Variants in ARL13B observed in about 807,000 individuals in gnomAD.
ARL13B encodes ADP-ribosylation factor-like protein 13B.
ARL13B carries 36 observed loss-of-function variants against 56.1 expected under a neutral mutation model. The observed-to-expected ratio is 0.64, with a 90% CI of 0.49 to 0.85. ARL13B has a LOEUF of 0.85. ARL13B is among the 40% of genes least tolerant of loss of function. ARL13B has a pLI of 0.00. For missense variants in ARL13B, 519 were observed against 507.1 expected (o/e 1.02, Z -0.23); for synonymous variants, 178 against 171.1 (o/e 1.04, Z -0.32).
chr3:93,994,598 TAAAC>T (rs2075934119), intron 1 of ARL13B, among the ~76,000 whole-genome samples: 1 of 152,216 alleles, frequency 6.6e-6, no homozygotes, highest in Non-Finnish European at 1.5e-5. Flanking sequence ...GTTGCTGTAA[TAAAC>T]AAGTGTGTCT....
chr3:93,991,240 G>C (rs2075870384), intron 1 of ARL13B, among the ~76,000 whole-genome samples: 1 of 152,076 alleles, frequency 6.6e-6, no homozygotes, highest in Admixed American at 6.5e-5. Flanking sequence ...AATTTGAAGG[G>C]CTAATGTATT....
At chr3:93,981,565 A>G (rs1445600447) in intron 1 of ARL13B, among the ~76,000 whole-genome samples, 2 of 152,180 alleles carry the variant, frequency 1.3e-5, no homozygotes, top group Non-Finnish European at 2.9e-5. Context: ...TGTTTTAAAT[A>G]TAAGTAGTAA....
At chr3:94,051,398 TC>T (rs889400279) in intron 9 of ARL13B, among the ~76,000 whole-genome samples, 16 of 152,200 alleles carry the variant, frequency 1.1e-4, no homozygotes, top group Admixed American at 9.8e-4. Flanking sequence ...CTAATAAAGT[TC>T]GACTAAGTAG....
At chr3:94,001,521 A>T (rs1337731985) in intron 2 of ARL13B, among the ~76,000 whole-genome samples, 1 of 152,206 alleles carries the variant, frequency 6.6e-6, no homozygotes, top group Non-Finnish European at 1.5e-5. Context: ...TTTCTAGACC[A>T]TAACTTGCCC....
At chr3:94,014,979 C>A in intron 3 of ARL13B, 1 of 1,613,996 alleles carries the variant, frequency 6.2e-7, no homozygotes, top group Non-Finnish European at 8.5e-7. Context: ...GAATTTTTAT[C>A]TCCTTTGTAA....
intron 3 of ARL13B, among the ~76,000 whole-genome samples, chr3:94,021,632 T>C (rs1384920781): frequency 6.6e-6 from 1 of 152,220 alleles, no homozygotes; most frequent in Non-Finnish European, 1.5e-5. Context: ...TTTTATTATA[T>C]ACATCTGATA....
At chr3:94,001,573 T>C (rs2076056024) in intron 2 of ARL13B, among the ~76,000 whole-genome samples, 1 of 152,160 alleles carries the variant, frequency 6.6e-6, no homozygotes, top group Non-Finnish European at 1.5e-5. Flanking sequence ...CTACACACTA[T>C]CGTCTCTAGC....
chr3:94,017,008 GT>G (rs984844811), intron 3 of ARL13B, among the ~76,000 whole-genome samples: 1 of 152,172 alleles, frequency 6.6e-6, no homozygotes, highest in Admixed American at 6.5e-5. Flanking sequence ...ATAGTCTGAT[GT>G]ATGGATAGAC....
chr3:94,014,372 TAAAA>T lies in ARL13B; in HGVS notation c.380+10465_380+10468del, dbSNP rs771133115. The T allele has an allele frequency of 5.9e-6, 9 of 1,513,056 alleles. No homozygotes were observed. In the East Asian group the frequency reaches 2.1e-4, roughly 35 times the overall value. The allele number at this position is 1,513,056 out of a possible 1,614,324, so 93.7% of individuals were successfully genotyped here. ...TTTACCGTAAAGCTGGAAAAAGTTTTAAAATAGCTTCTTTATTTTGAGCTACAGC... is the reference window on the plus strand; with the variant it reads ...TTTACCGTAAAGCTGGAAAAAGTTTTTAGCTTCTTTATTTTGAGCTACAGC... On this transcript the variant is annotated intron_variant, in intron 3 of 9. Coordinates refer to ENST00000394222, the MANE Select transcript of ARL13B (RefSeq NM_001174150.2).
At chr3:94,046,794 A>G (rs1404719443) in intron 7 of ARL13B, among the ~76,000 whole-genome samples, 1 of 152,156 alleles carries the variant, frequency 6.6e-6, no homozygotes, top group Non-Finnish European at 1.5e-5. Flanking sequence ...CAACATTTTT[A>G]AAATGTCTTG....
chr3:94,053,181 T>A lies in ARL13B; in HGVS notation c.1211-6T>A. 1 of 1,610,092 alleles carries A rather than the reference T, an allele frequency of 6.2e-7. No homozygotes were observed. Among genetic ancestry groups the A allele is most frequent in the Non-Finnish European group, 8.5e-7 (1 of 1,179,214 alleles). On this transcript the variant is annotated splice_polypyrimidine_tract_variant and splice_region_variant and intron_variant, in intron 9 of 9. Coordinates refer to ENST00000394222, the MANE Select transcript of ARL13B (RefSeq NM_001174150.2). ...TTTGTGCATTTGGTTTTCTTTCTTT[T>A]CTTAGATTTCTATAGGAAGCCACTG...
At chr3:94,037,591 G>C (rs954138451) in intron 5 of ARL13B, among the ~76,000 whole-genome samples, 3 of 152,120 alleles carry the variant, frequency 2.0e-5, no homozygotes, top group Non-Finnish European at 4.4e-5. Flanking sequence ...TTTGGCAGCT[G>C]TTGATACAAG....
chr3:94,020,953 G>C (rs972950546), intron 3 of ARL13B, among the ~76,000 whole-genome samples: 27 of 151,924 alleles, frequency 1.8e-4, no homozygotes, highest in African/African-American at 6.5e-4. Context: ...TATTTTTATT[G>C]TCTATATTCT....
At chr3:94,016,953 C>T (rs2076346561) in intron 3 of ARL13B, among the ~76,000 whole-genome samples, 1 of 152,076 alleles carries the variant, frequency 6.6e-6, no homozygotes, top group Non-Finnish European at 1.5e-5. Flanking sequence ...CCTAATTAAG[C>T]TTTCTGTCAG....
At chr3:94,039,753 G>GT in intron 5 of ARL13B, 127 bp from the exon 6 acceptor site, 1 of 767,768 alleles carries the variant, frequency 1.3e-6, no homozygotes, top group Non-Finnish European at 2.1e-6. Context: ...AATGCTCTCA[G>GT]TAATTCAAAA....
At chr3:94,023,261 G>C (rs1244983827) in intron 3 of ARL13B, among the ~76,000 whole-genome samples, 2 of 152,106 alleles carry the variant, frequency 1.3e-5, no homozygotes, top group African/African-American at 4.8e-5. Flanking sequence ...TGAAAGTTTT[G>C]TTACTACATC....
At chr3:93,987,925 T>C (rs1209661376) in intron 1 of ARL13B, among the ~76,000 whole-genome samples, 1 of 152,106 alleles carries the variant, frequency 6.6e-6, no homozygotes, top group Non-Finnish European at 1.5e-5. Flanking sequence ...TGATTATAGG[T>C]GTGAACCACT....
In ARL13B at chr3:93,996,051, A is replaced by G. The variant is rs527247268; in HGVS notation, c.130+107A>G. On this transcript the variant is annotated intron_variant, in intron 2 of 9. Transcript: ENST00000394222. ...TATTAATTTGGTACAGATACTGTGC[A>G]CTGCATTACTTTATATTCTTAGTAT... 37 of 1,091,876 alleles carry G rather than the reference A, an allele frequency of 3.4e-5. No homozygotes were observed. In the South Asian group the frequency reaches 4.9e-4, roughly 15 times the overall value. 67.6% of individuals were successfully genotyped at this position (1,091,876 alleles called of 1,614,324 possible). A position where few individuals can be genotyped will look rare whatever the true frequency, so the allele number is the denominator to read the frequency against.
chr3:94,002,942 CT>C (rs1318282067), intron 2 of ARL13B, among the ~76,000 whole-genome samples: 1 of 152,132 alleles, frequency 6.6e-6, no homozygotes, highest in Non-Finnish European at 1.5e-5. Flanking sequence ...TAAATTCTAT[CT>C]CTCCAATGAG....
Sources: allele counts gnomAD v4.1 joint callset (sites outside exome capture counted in the v4.1 genomes callset), GRCh38; gene constraint gnomAD v4.1.1; transcripts MANE v1.5; gene names NCBI Gene and HGNC (gene_info 2026-07-23, HGNC 2026-07-21).